The following LTN1 variants were observed in gnomAD, a reference collection of about 807,000 sequenced individuals.
The protein encoded by LTN1 is listerin E3 ubiquitin protein ligase 1.
Under a neutral mutation model 201.2 loss-of-function variants are expected in LTN1, and 88 were observed. The ratio of observed to expected loss-of-function variants is 0.44; its 90% confidence interval spans 0.37 to 0.52. The LOEUF (loss-of-function observed/expected upper bound fraction) is 0.52, where lower values mean the gene tolerates loss of function less well. LTN1 is among the 20% of genes least tolerant of loss of function. The pLI, the probability that LTN1 is intolerant of heterozygous loss-of-function variation, is 0.00. For synonymous variants in LTN1, 645 were observed against 713.5 expected (o/e 0.90, Z 1.53); for missense variants, 1,752 against 2,038.7 (o/e 0.86, Z 2.71).
Position 28,965,912 on chromosome 21 carries a change from A to G in LTN1, c.2122-6T>C. ...GAATTCCATTTCAAGTCCACCTGAAAAAAGAAAAAGAGTTAGAAACAATCT... is the reference window on the plus strand; with the variant it reads ...GAATTCCATTTCAAGTCCACCTGAAGAAAGAAAAAGAGTTAGAAACAATCT... On this transcript the variant is annotated splice_region_variant and splice_polypyrimidine_tract_variant and intron_variant, in intron 10 of 29. Transcript: ENST00000361371. 1.3e-6 allele frequency: 2 copies of G among 1,525,096 alleles called. No individual in the cohort carries two copies. The highest frequency in any genetic ancestry group is 2.4e-5 in the South Asian group (2 of 84,340). 94.5% of individuals were successfully genotyped at this position (1,525,096 alleles called of 1,614,324 possible).
intron 6 of LTN1, among the ~76,000 whole-genome samples, chr21:28,975,449 A>C (rs566358096): frequency 6.6e-6 from 1 of 152,348 alleles, no homozygotes; most frequent in Admixed American, 6.5e-5. Flanking sequence ...AGAAACCTCT[A>C]TTCCAGAGGT....
At chr21:28,949,002 T>C (rs1270562022) in intron 18 of LTN1, among the ~76,000 whole-genome samples, 1 of 152,224 alleles carries the variant, frequency 6.6e-6, no homozygotes, top group African/African-American at 2.4e-5. Context: ...TCACCAAATA[T>C]GCACAGGTGT....
intron 14 of LTN1, among the ~76,000 whole-genome samples, chr21:28,957,845 A>T (rs2084439243): frequency 6.6e-6 from 1 of 152,210 alleles, no homozygotes; most frequent in South Asian, 2.1e-4. Flanking sequence ...TTTAGGTATG[A>T]GAGGTAAAAT....
Position 28,960,689 on chromosome 21 carries a change from A to G in LTN1, c.2181T>C (p.Asp727=). Residue 727 remains aspartate, a synonymous_variant, in exon 12 of 30, where the codon GAT becomes GAC. Coordinates refer to ENST00000361371, the MANE Select transcript of LTN1 (RefSeq NM_015565.3). ...GCCAAGGAGTTACTAAAGCATGTTT[A>G]TCTGAACTAGGACATGCCTAAAACC... is the stretch of plus-strand genomic sequence containing the variant. ...KIIEKACPSS[D]KHALVTPWLK... 1 of 1,613,448 alleles carries G rather than the reference A, an allele frequency of 6.2e-7. No homozygotes were observed. Among genetic ancestry groups the G allele is most frequent in the African/African-American group, 1.3e-5 (1 of 75,050 alleles).
chr21:28,931,073 G>A (rs2084207093), intron 29 of LTN1, 82 bp downstream of exon 29: 1 of 703,478 alleles, frequency 1.4e-6, no homozygotes, highest in Non-Finnish European at 2.3e-6. Context: ...GTAGGTGTGT[G>A]TGTGTGTGTG....
At chr21:28,962,644 C>T (rs1350646098) in intron 11 of LTN1, among the ~76,000 whole-genome samples, 1 of 152,186 alleles carries the variant, frequency 6.6e-6, no homozygotes, top group East Asian at 1.9e-4. Flanking sequence ...CAGTTAATTA[C>T]ACTACAATGG....
At position 28,992,232 on chromosome 21, in the gene LTN1, T is replaced by C. The variant is rs2084752368; in HGVS notation, c.42+532A>G. On this transcript the variant is annotated intron_variant, in intron 1 of 29. Transcript: ENST00000361371. ...TCAAGGCACAGTGAAGAGATCAGTGTGGCTGGATGAAGTAAGCCAAGAGGA... is the reference window on the plus strand; with the variant it reads ...TCAAGGCACAGTGAAGAGATCAGTGCGGCTGGATGAAGTAAGCCAAGAGGA... Among the ~76,000 whole-genome samples the C allele has an allele frequency of 2.0e-4, 30 of 152,194 alleles. No individual in the cohort carries two copies. The South Asian group carries it at 6.2e-3, about 32-fold the overall frequency.
chr21:28,939,340 T>C (rs183690894), intron 25 of LTN1, among the ~76,000 whole-genome samples: 1 of 152,306 alleles, frequency 6.6e-6, no homozygotes, highest in African/African-American at 2.4e-5. Context: ...GGGATGACTA[T>C]ATACTAAAAA....
chr21:28,959,257 G>T, intron 13 of LTN1: 1 of 518,950 alleles, frequency 1.9e-6, no homozygotes, highest in Non-Finnish European at 3.3e-6. Flanking sequence ...AATATCAAGT[G>T]AGATCTTTAG....
intron 1 of LTN1, among the ~76,000 whole-genome samples, 199 bp from the exon 2 acceptor site, chr21:28,987,133 A>G (rs1005850819): frequency 6.6e-6 from 1 of 152,228 alleles, no homozygotes; most frequent in Non-Finnish European, 1.5e-5. Context: ...CTGATCCTAG[A>G]AATTATTCTG....
chr21:28,936,696 A>G lies in LTN1; in HGVS notation c.4484T>C (p.Leu1495Pro). Residue 1495 changes from leucine to proline, a missense_variant and splice_region_variant, in exon 26 of 30, where the codon CTT becomes CCT. Physicochemically the swap from Leu to Pro is moderately conservative, Grantham distance 98. Transcript: ENST00000361371. ...LTFFKAASSQLRALYSMYLRK... is the reference protein window; with the variant it reads ...LTFFKAASSQPRALYSMYLRK... Reference sequence around the variant, plus strand: ...AAGATACATGGAATACAAAGCCCGAAGCTGGTGGAGAGCAAAGAATTTGTT... The same window carrying G: ...AAGATACATGGAATACAAAGCCCGAGGCTGGTGGAGAGCAAAGAATTTGTT... The G allele has an allele frequency of 6.2e-7, 1 of 1,605,480 alleles. No homozygotes were observed. Among genetic ancestry groups the G allele is most frequent in the South Asian group, 1.1e-5 (1 of 89,780 alleles).
chr21:28,945,729 A>T, intron 21 of LTN1, 78 bp downstream of exon 21: 1 of 1,297,592 alleles, frequency 7.7e-7, no homozygotes, highest in Non-Finnish European at 1.1e-6. Context: ...CACTTAAAGA[A>T]TGAGATTAGT....
chr21:28,982,779 C>T (rs892708767), intron 4 of LTN1, among the ~76,000 whole-genome samples: 4 of 152,198 alleles, frequency 2.6e-5, no homozygotes, highest in African/African-American at 7.2e-5. Context: ...TTCAAATATA[C>T]GGAAGTCTGT....
intron 18 of LTN1, 45 bp from the exon 19 acceptor site, chr21:28,947,651 T>C (rs766284436): frequency 4.6e-5 from 57 of 1,246,060 alleles, no homozygotes; most frequent in Non-Finnish European, 5.9e-5. Flanking sequence ...CTTCCAAACA[T>C]ACAGTTATTT....
In LTN1 at chr21:28,943,817, T is replaced by C; in HGVS notation, c.4070A>G (p.Gln1357Arg). Residue 1357 changes from glutamine to arginine, a missense_variant, in exon 23 of 30, where the codon CAG becomes CGG. Physicochemically the swap from Gln to Arg is conservative, Grantham distance 43 (BLOSUM62 1). Coordinates refer to ENST00000361371, the MANE Select transcript of LTN1 (RefSeq NM_015565.3). The part of the protein sequence containing the change: ...CETLTYISKE[Q>R]LLSHKLPARL... ...TGCAGGAAGTTTGTGACTCAATAGC[T>C]GTTCCTTTGAGATATACGTTAATGT... 1 of 1,613,718 alleles carries C rather than the reference T, an allele frequency of 6.2e-7. No individual in the cohort carries two copies. The highest frequency in any genetic ancestry group is 8.5e-7 in the Non-Finnish European group (1 of 1,179,686).
chr21:28,984,382 T>A (rs1232971478), intron 4 of LTN1, among the ~76,000 whole-genome samples: 1 of 151,990 alleles, frequency 6.6e-6, no homozygotes, highest in African/African-American at 2.4e-5. Flanking sequence ...AGAAAATAAT[T>A]TTAGATTTAT....
In LTN1 at chr21:28,945,918, A is replaced by G. The variant is rs756026526; in HGVS notation, c.3657T>C (p.Gly1219=). 4.3e-6 allele frequency: 7 copies of G among 1,613,232 alleles called. No homozygotes were observed. The highest frequency in any genetic ancestry group is 1.3e-5 in the African/African-American group (1 of 74,906). The change falls in exon 21 of 30, where the codon GGT becomes GGC. Residue 1219 remains glycine, a synonymous_variant. Transcript: ENST00000361371. ...NLSEASPEVL[G]VNIEIIRFLS... is the part of the protein sequence containing the mutation. ...GAAACCGGATTATTTCTATATTTAC[A>G]CCCAGTACCTCTGGACTTGCTTCTG...
At chr21:28,952,065 T>C (rs2084387040) in intron 18 of LTN1, 95 bp downstream of exon 18, 2 of 661,792 alleles carry the variant, frequency 3.0e-6, no homozygotes, top group South Asian at 2.3e-5. Flanking sequence ...CTAAACCTGT[T>C]TTCTTGATTC....
rs896678871 is a variant in LTN1, at chr21:28,945,790, A to G, written c.3768+17T>C. The G allele has an allele frequency of 8.1e-6, 13 of 1,609,854 alleles. No homozygotes were observed. Among genetic ancestry groups the G allele is most frequent in the Middle Eastern group, 1.6e-4 (1 of 6,068 alleles). ...ACAAAAACCCACAAGAGGTGATGAC[A>G]TATCGGGTTAATTTACCTCCAACCA... On this transcript the variant is annotated intron_variant, in intron 21 of 29. Coordinates refer to ENST00000361371, the MANE Select transcript of LTN1 (RefSeq NM_015565.3).
Sources: gnomAD v4.1 joint callset for allele counts (sites outside exome capture counted in the v4.1 genomes callset) on GRCh38, gnomAD v4.1.1 for gene constraint, MANE v1.5 for transcripts, NCBI Gene and HGNC (gene_info 2026-07-23, HGNC 2026-07-21) for gene names.